MBD5: variants seen among roughly 807,000 people sequenced by gnomAD.
MBD5 encodes the protein methyl-CpG-binding domain protein 5.
In MBD5, 13 loss-of-function variants were observed where a neutral mutation model predicts 117.3. The observed-to-expected ratio is 0.11, with a 90% confidence interval of 0.07 to 0.18. MBD5 has a LOEUF of 0.18. Ranked by LOEUF, MBD5 falls within the 10% of genes least tolerant of loss-of-function variation. The probability of loss-of-function intolerance (pLI) is 1.00; values close to 1 mark genes in which losing one functional copy is unlikely to be tolerated. For synonymous variants in MBD5, 727 were observed against 766.4 expected (o/e 0.95, Z 0.85); for missense variants, 1,879 against 2,093.8 (o/e 0.90, Z 2.00).
intron 1 of MBD5, chr2:148,071,642 A>T (rs1181788486): frequency 6.6e-6 from 1 of 152,190 alleles, no homozygotes; most frequent in Non-Finnish European, 1.5e-5. Context: ...CCAGATCATT[A>T]AAAGAAAAGA....
chr2:148,312,739 T>C (rs936828631), intron 3 of MBD5, among the ~76,000 whole-genome samples: 4 of 152,200 alleles, frequency 2.6e-5, no homozygotes, highest in African/African-American at 9.6e-5. Context: ...TTCTGGTTTT[T>C]GGGATTTTCA....
chr2:148,350,544 G>A (rs1316965918), intron 4 of MBD5, among the ~76,000 whole-genome samples: 1 of 151,936 alleles, frequency 6.6e-6, no homozygotes, highest in African/African-American at 2.4e-5. Context: ...TTATAAGCCA[G>A]CTTTTACTGG....
chr2:148,275,786 A>T (rs1481175211), intron 3 of MBD5, among the ~76,000 whole-genome samples: 4 of 151,240 alleles, frequency 2.6e-5, no homozygotes, highest in Non-Finnish European at 5.9e-5. Flanking sequence ...TTTTTGGCTC[A>T]TTTTTCTTTA....
At chr2:148,446,815 G>A (rs1211384658) in intron 4 of MBD5, among the ~76,000 whole-genome samples, 2 of 151,968 alleles carry the variant, frequency 1.3e-5, no homozygotes, top group Non-Finnish European at 2.9e-5. Context: ...ACAGAATATG[G>A]TAATATCTCC....
At chr2:148,146,932 T>C (rs566353172) in intron 1 of MBD5, among the ~76,000 whole-genome samples, 82 of 152,326 alleles carry the variant, frequency 5.4e-4, no homozygotes, top group African/African-American at 1.9e-3. Flanking sequence ...GTTTCTGTTA[T>C]TACCTTTTTC....
At chr2:148,314,208 A>T (rs1027774546) in intron 3 of MBD5, among the ~76,000 whole-genome samples, 2 of 151,532 alleles carry the variant, frequency 1.3e-5, no homozygotes, top group African/African-American at 4.9e-5. Context: ...TAAACATATC[A>T]TCTCACAATT....
chr2:148,462,142 G>C (rs942133233), intron 5 of MBD5, among the ~76,000 whole-genome samples: 1 of 152,148 alleles, frequency 6.6e-6, no homozygotes, highest in Non-Finnish European at 1.5e-5. Context: ...TTGTGGACTT[G>C]CCAACTTTCT....
intron 1 of MBD5, among the ~76,000 whole-genome samples, chr2:148,173,293 C>T (rs143353981): frequency 3.9e-5 from 6 of 152,272 alleles, no homozygotes; most frequent in East Asian, 3.9e-4. Context: ...CAGGTGTCTC[C>T]GGTGGAAATT....
intron 4 of MBD5, among the ~76,000 whole-genome samples, chr2:148,396,748 A>G (rs12998802): frequency 0.38 from 58,022 of 152,030 alleles, 12,167 homozygotes; most frequent in East Asian, 0.65. Context: ...AGACTGGGGT[A>G]TTCTTACAGG....
intron 3 of MBD5, among the ~76,000 whole-genome samples, chr2:148,329,759 G>T (rs562960611): frequency 7.9e-4 from 120 of 152,220 alleles, no homozygotes; most frequent in Non-Finnish European, 1.5e-3. Context: ...TACAAAATAT[G>T]TATTCACAAA....
chr2:148,443,116 T>C (rs1161245086), intron 4 of MBD5, among the ~76,000 whole-genome samples: 2 of 151,414 alleles, frequency 1.3e-5, no homozygotes, highest in South Asian at 2.1e-4. Flanking sequence ...GAAGAAGTCA[T>C]ATAAGTGGCA....
chr2:148,335,456 C>T (rs1166015420), intron 3 of MBD5, among the ~76,000 whole-genome samples: 1 of 152,104 alleles, frequency 6.6e-6, no homozygotes, highest in Admixed American at 6.6e-5. Flanking sequence ...ATGGGGCTCA[C>T]ACCTGTAATC....
intron 3 of MBD5, among the ~76,000 whole-genome samples, chr2:148,302,031 G>T (rs893410315): frequency 2.0e-5 from 3 of 152,104 alleles, no homozygotes; most frequent in Admixed American, 2.0e-4. Flanking sequence ...TGGGAATGGG[G>T]GGCCCTCTCC....
At chr2:148,151,530 C>A (rs1034074497) in intron 1 of MBD5, among the ~76,000 whole-genome samples, 2 of 152,210 alleles carry the variant, frequency 1.3e-5, no homozygotes, top group Non-Finnish European at 2.9e-5. Context: ...CCAGCTCCTC[C>A]TTGTACCTCT....
chr2:148,267,088 T>C (rs2106326123), intron 3 of MBD5, among the ~76,000 whole-genome samples: 1 of 151,984 alleles, frequency 6.6e-6, no homozygotes, highest in East Asian at 1.9e-4. Flanking sequence ...ATGCAGGAGG[T>C]ATGAGGCTAA....
At chr2:148,079,901 AC>A (rs1695605731) in intron 1 of MBD5, among the ~76,000 whole-genome samples, 6 of 149,554 alleles carry the variant, frequency 4.0e-5, no homozygotes, top group African/African-American at 1.5e-4. Context: ...AACAACAACA[AC>A]AAAAACTTGC....
intron 2 of MBD5, among the ~76,000 whole-genome samples, chr2:148,211,615 AT>A (rs553467550): frequency 4.0e-5 from 6 of 151,594 alleles, no homozygotes; most frequent in Admixed American, 1.3e-4. Context: ...CTCTTTTACA[AT>A]TTTTTTTTCC....
At chr2:148,434,472 T>G (rs1017081435) in intron 4 of MBD5, among the ~76,000 whole-genome samples, 24 of 152,060 alleles carry the variant, frequency 1.6e-4, no homozygotes, top group African/African-American at 5.6e-4. Context: ...GTCAGGTTGT[T>G]AATTTGAGAG....
intron 10 of MBD5, 141 bp from the exon 11 acceptor site, chr2:148,489,245 A>AT (rs1681435875): frequency 9.6e-7 from 1 of 1,041,778 alleles, no homozygotes; most frequent in Non-Finnish European, 1.4e-6. Flanking sequence ...TTTTTATTTC[A>AT]TTTTTTGAGT....
Sources: allele counts gnomAD v4.1 joint callset (sites outside exome capture counted in the v4.1 genomes callset), GRCh38; gene constraint gnomAD v4.1.1; transcripts MANE v1.5; gene names NCBI Gene and HGNC (gene_info 2026-07-23, HGNC 2026-07-21).